Variants in NAV2 observed in about 807,000 individuals in gnomAD.
NAV2 encodes the protein helicase, APC down-regulated 1.
In NAV2, 54 loss-of-function variants were observed where a neutral mutation model predicts 223.2. That is an observed-to-expected ratio of 0.24 (90% confidence interval 0.19 to 0.30). The LOEUF (loss-of-function observed/expected upper bound fraction) is 0.30, where lower values mean the gene tolerates loss of function less well. Among genes scored for constraint, NAV2 ranks in the 10% least tolerant of loss-of-function variants. NAV2 has a pLI of 1.00. For missense variants in NAV2, 2,806 were observed against 3,147.5 expected (o/e 0.89, Z 2.60); for synonymous variants, 1,279 against 1,239.3 (o/e 1.03, Z -0.67).
intron 1 of NAV2, among the ~76,000 whole-genome samples, chr11:19,463,325 C>T (rs1413328386): frequency 6.6e-6 from 1 of 152,216 alleles, no homozygotes; most frequent in African/African-American, 2.4e-5. Flanking sequence ...TACAAAGTTG[C>T]CTTCGAGCAG....
intron 1 of NAV2, among the ~76,000 whole-genome samples, chr11:19,542,881 C>A (rs989519288): frequency 1.3e-5 from 2 of 152,212 alleles, no homozygotes; most frequent in Non-Finnish European, 2.9e-5. Flanking sequence ...ACCTGAAACC[C>A]TCCCCTTCCT....
In NAV2 at chr11:19,868,942, C is replaced by T. The variant is rs759881772; in HGVS notation, c.456C>T (p.Ala152=). 5.0e-6 allele frequency: 8 copies of T among 1,613,842 alleles called. No individual in the cohort carries two copies. The highest frequency in any genetic ancestry group is 6.8e-6 in the Non-Finnish European group (8 of 1,179,860). ...CCTCCTAGATTGAAAACATAGATGC[C>T]TGCTTGAATTTCCTGGCAGCTAAGG... ...NRSQMIENID[A]CLNFLAAKGI... Residue 152 remains alanine (A), a synonymous_variant, in exon 4 of 38, where the codon GCC becomes GCT. Transcript: ENST00000349880.
At chr11:19,818,476 G>A (rs974014303) in intron 1 of NAV2, among the ~76,000 whole-genome samples, 2 of 151,964 alleles carry the variant, frequency 1.3e-5, no homozygotes, top group African/African-American at 2.4e-5. Flanking sequence ...ATAATCTCAT[G>A]ACCATAAACA....
chr11:19,402,284 T>A (rs938833253), intron 1 of NAV2, among the ~76,000 whole-genome samples: 1 of 152,328 alleles, frequency 6.6e-6, no homozygotes, highest in African/African-American at 2.4e-5. Context: ...AAGTTACTTA[T>A]GTTTCTGTGC....
Position 20,003,123 on chromosome 11 carries a change from C to G in NAV2, c.2768+18876C>G, listed in dbSNP as rs550532282. Among the ~76,000 whole-genome samples the G allele has an allele frequency of 2.0e-5, 3 of 152,312 alleles. No individual in the cohort carries two copies. In the South Asian group the frequency reaches 6.2e-4, roughly 32 times the overall value. On this transcript the variant is annotated intron_variant, in intron 11 of 37. Transcript: ENST00000349880. ...AACAAACGCAGACCTTTCCTGCACCCTGGGAGGGAAGTCGGAGAGGGGAAA... is the reference window on the plus strand; with the variant it reads ...AACAAACGCAGACCTTTCCTGCACCGTGGGAGGGAAGTCGGAGAGGGGAAA...
chr11:19,668,353 C>A (rs2048478592), intron 1 of NAV2, among the ~76,000 whole-genome samples: 1 of 151,782 alleles, frequency 6.6e-6, no homozygotes, highest in Non-Finnish European at 1.5e-5. Flanking sequence ...GCCAACATGG[C>A]GAAACCTCAC....
At chr11:19,621,350 C>G (rs1361026036) in intron 1 of NAV2, among the ~76,000 whole-genome samples, 1 of 152,110 alleles carries the variant, frequency 6.6e-6, no homozygotes, top group African/African-American at 2.4e-5. Context: ...CTCCTTATAC[C>G]TCTGGTAGAA....
intron 1 of NAV2, among the ~76,000 whole-genome samples, chr11:19,820,893 T>C (rs566573061): frequency 1.3e-5 from 2 of 152,220 alleles, no homozygotes; most frequent in East Asian, 3.9e-4. Context: ...TCCTAGCACA[T>C]AGGGGATAGT....
chr11:19,778,281 G>C (rs1352359032), intron 1 of NAV2: 1 of 444,204 alleles, frequency 2.3e-6, no homozygotes, highest in African/African-American at 2.0e-5. Flanking sequence ...CCCCATTAAA[G>C]TCAGCCAGTG....
chr11:19,553,993 G>A (rs185712622), intron 1 of NAV2, among the ~76,000 whole-genome samples: 21 of 152,342 alleles, frequency 1.4e-4, no homozygotes, highest in Non-Finnish European at 2.6e-4. Context: ...GCTGCTTTCT[G>A]TTCCCCTAGC....
Position 19,427,974 on chromosome 11 carries a change from T to C in NAV2, c.75+76947T>C, listed in dbSNP as rs575780928. On this transcript the variant is annotated intron_variant, in intron 1 of 37. Coordinates refer to the NAV2 transcript ENST00000360655. ...AGTTTGTTTTTTGTGTTTTTGATTG[T>C]GTTTGGGGTATTTTTTTTAATGTAG... Among the ~76,000 whole-genome samples, 3 of 152,240 alleles carry C rather than the reference T, an allele frequency of 2.0e-5. No homozygotes were observed. The East Asian group carries it at 5.8e-4, about 29-fold the overall frequency.
intron 1 of NAV2, among the ~76,000 whole-genome samples, chr11:19,553,805 C>G (rs2044771754): frequency 6.6e-6 from 1 of 152,232 alleles, no homozygotes; most frequent in Non-Finnish European, 1.5e-5. Flanking sequence ...CTCCAGGGAC[C>G]CAGACTGAGG....
Position 19,972,003 on chromosome 11 carries a change from C to G in NAV2, c.2646-12122C>G, listed in dbSNP as rs552361927. 3.9e-5 allele frequency among the ~76,000 whole-genome samples: 6 copies of G among 152,236 alleles called. No individual in the cohort carries two copies. In the South Asian group the frequency reaches 6.2e-4, roughly 16 times the overall value. On this transcript the variant is annotated intron_variant, in intron 10 of 37. Transcript: ENST00000349880. ...CAGGCATAAGCCACTGTGCCTGGCC[C>G]AAACTTTTTTCTTTTTAGATGTCAT...
chr11:19,835,935 C>T (rs1357060520), intron 2 of NAV2, among the ~76,000 whole-genome samples: 1 of 152,084 alleles, frequency 6.6e-6, no homozygotes, highest in East Asian at 1.9e-4. Flanking sequence ...TTTCCTAGCT[C>T]CCCGACACAG....
At chr11:19,721,995 AAAAAC>A (rs1347619036) in intron 1 of NAV2, among the ~76,000 whole-genome samples, 1 of 152,254 alleles carries the variant, frequency 6.6e-6, no homozygotes, top group African/African-American at 2.4e-5. Flanking sequence ...TGAAATTTTT[AAAAAC>A]AAAACAAAGT....
In NAV2 at chr11:19,967,643, G is replaced by T. The variant is rs189148521; in HGVS notation, c.2646-16482G>T. 3.3e-5 allele frequency among the ~76,000 whole-genome samples: 5 copies of T among 152,222 alleles called. No homozygotes were observed. The East Asian group carries it at 7.7e-4, about 24-fold the overall frequency. ...AAAAGTAGACCTGTTAAAACTAGAGGCAGTTTTGCAAGGACATGAGCCCTG... is the reference window on the plus strand; with the variant it reads ...AAAAGTAGACCTGTTAAAACTAGAGTCAGTTTTGCAAGGACATGAGCCCTG... On this transcript the variant is annotated intron_variant, in intron 10 of 37. Transcript: ENST00000349880.
chr11:19,460,757 C>A (rs370472650), intron 1 of NAV2, among the ~76,000 whole-genome samples: 1 of 151,830 alleles, frequency 6.6e-6, no homozygotes, highest in Non-Finnish European at 1.5e-5. Flanking sequence ...CTGCATGTTG[C>A]GCACATGTAT....
At chr11:20,039,779 A>G (rs141786105) in intron 12 of NAV2, among the ~76,000 whole-genome samples, 1 of 152,386 alleles carries the variant, frequency 6.6e-6, no homozygotes, top group African/African-American at 2.4e-5. Flanking sequence ...GAAATGTTTA[A>G]TAACATATGC....
intron 1 of NAV2, among the ~76,000 whole-genome samples, chr11:19,574,528 C>T (rs1417447429): frequency 6.6e-6 from 1 of 152,162 alleles, no homozygotes; most frequent in Non-Finnish European, 1.5e-5. Flanking sequence ...GCCATCTTCC[C>T]AGGGCAGTGG....
Sources: gnomAD v4.1 joint callset for allele counts (sites outside exome capture counted in the v4.1 genomes callset) on GRCh38, gnomAD v4.1.1 for gene constraint, MANE v1.5 for transcripts, NCBI Gene and HGNC (gene_info 2026-07-23, HGNC 2026-07-21) for gene names.